Variants in CNTN1 observed in about 807,000 individuals in gnomAD.
The protein encoded by CNTN1 is contactin-1.
Under a neutral mutation model 126.4 loss-of-function variants are expected in CNTN1, and 38 were observed. The ratio of observed to expected loss-of-function variants is 0.30; its 90% CI spans 0.23 to 0.39. The LOEUF is 0.39. Ranked by LOEUF, CNTN1 falls within the 10% of genes least tolerant of loss-of-function variation. CNTN1 has a pLI of 1.00. For missense variants in CNTN1, 1,009 were observed against 1,248.4 expected (o/e 0.81, Z 2.89); for synonymous variants, 413 against 422.6 (o/e 0.98, Z 0.28).
At chr12:40,930,945 C>A (rs1357887424) in intron 7 of CNTN1, among the ~76,000 whole-genome samples, 1 of 151,926 alleles carries the variant, frequency 6.6e-6, no homozygotes, top group African/African-American at 2.4e-5. Flanking sequence ...TGTAAAAATT[C>A]TCTTGATTTT....
intron 23 of CNTN1, among the ~76,000 whole-genome samples, chr12:41,066,246 G>A (rs1046164307): frequency 6.6e-6 from 1 of 152,176 alleles, no homozygotes; most frequent in Non-Finnish European, 1.5e-5. Context: ...CTGAGGAAAA[G>A]TAATCATAGG....
At chr12:40,808,270 T>C (rs60729624) in intron 1 of CNTN1, among the ~76,000 whole-genome samples, 3,467 of 152,266 alleles carry the variant, frequency 0.023, 128 homozygotes, top group African/African-American at 0.078. Context: ...TCTCAAGTCA[T>C]TGAATTGTGA....
intron 1 of CNTN1, among the ~76,000 whole-genome samples, chr12:40,815,287 G>A (rs1234678159): frequency 1.3e-5 from 2 of 152,158 alleles, no homozygotes; most frequent in African/African-American, 4.8e-5. Context: ...CCATGAGGAT[G>A]GAATATTTTT....
chr12:40,949,134 C>T (rs1946551025), intron 14 of CNTN1, among the ~76,000 whole-genome samples: 1 of 149,156 alleles, frequency 6.7e-6, no homozygotes, highest in African/African-American at 2.5e-5. Context: ...TGATCTTGTA[C>T]AGAAATTTTG....
intron 1 of CNTN1, among the ~76,000 whole-genome samples, chr12:40,851,006 T>A (rs561182784): frequency 2.0e-5 from 3 of 152,322 alleles, no homozygotes; most frequent in Admixed American, 1.3e-4. Flanking sequence ...ATTACTTTCA[T>A]CTAGATAACT....
At chr12:40,873,541 A>G (rs1225227120) in intron 1 of CNTN1, among the ~76,000 whole-genome samples, 1 of 152,148 alleles carries the variant, frequency 6.6e-6, no homozygotes, top group Non-Finnish European at 1.5e-5. Flanking sequence ...AAATTTGAGC[A>G]ATTTTTCTTT....
intron 1 of CNTN1, among the ~76,000 whole-genome samples, chr12:40,713,635 G>C (rs575066891): frequency 6.6e-6 from 1 of 152,066 alleles, no homozygotes; most frequent in Middle Eastern, 3.4e-3. Flanking sequence ...AAGTGCTAGA[G>C]AAGTTGGCTG....
chr12:40,851,821 C>A (rs573712903), intron 1 of CNTN1, among the ~76,000 whole-genome samples: 8 of 151,996 alleles, frequency 5.3e-5, no homozygotes, highest in Non-Finnish European at 1.2e-4. Flanking sequence ...AAAGGTGATT[C>A]GCAGTGGGGA....
intron 23 of CNTN1, among the ~76,000 whole-genome samples, chr12:41,045,733 A>G (rs1167536759): frequency 1.3e-5 from 2 of 152,134 alleles, no homozygotes; most frequent in Non-Finnish European, 2.9e-5. Context: ...AGCAGTGCAA[A>G]GGACATTCCA....
chr12:40,964,289 A>C (rs1268681087), intron 15 of CNTN1, among the ~76,000 whole-genome samples: 3 of 152,194 alleles, frequency 2.0e-5, no homozygotes, highest in Non-Finnish European at 4.4e-5. Flanking sequence ...AAGAAAAAGA[A>C]AACGACTTTG....
At chr12:40,791,444 C>T (rs1453242470) in intron 1 of CNTN1, among the ~76,000 whole-genome samples, 1 of 152,112 alleles carries the variant, frequency 6.6e-6, no homozygotes, top group African/African-American at 2.4e-5. Flanking sequence ...ATTTTCTCTA[C>T]TAGACCAGTT....
chr12:41,013,814 T>C (rs76499137), intron 17 of CNTN1, among the ~76,000 whole-genome samples: 1,543 of 152,292 alleles, frequency 0.01, 24 homozygotes, highest in African/African-American at 0.034. Flanking sequence ...TCTAGATATT[T>C]GGGGAAACAT....
chr12:41,027,838 A>T lies in CNTN1; in HGVS notation c.2711-19A>T. On this transcript the variant is annotated intron_variant, in intron 21 of 23. Transcript: ENST00000551295. ...ATTGGATATAGTGACCACTGATTGC[A>T]TATTACTACTTTTCACAGCTCCTAG... 6.8e-7 allele frequency: 1 copy of T among 1,460,102 alleles called. No individual in the cohort carries two copies. Among genetic ancestry groups the T allele is most frequent in the Non-Finnish European group, 9.6e-7 (1 of 1,039,924 alleles). The allele number at this position is 1,460,102 out of a possible 1,614,324, so 90.4% of individuals were successfully genotyped here.
chr12:40,882,309 T>A (rs1943896039), intron 1 of CNTN1, among the ~76,000 whole-genome samples: 1 of 151,826 alleles, frequency 6.6e-6, no homozygotes, highest in South Asian at 2.1e-4. Flanking sequence ...TATTTAGACA[T>A]GGGTTAAATA....
chr12:41,054,578 CAG>C (rs1417560339), intron 23 of CNTN1, among the ~76,000 whole-genome samples: 3 of 152,004 alleles, frequency 2.0e-5, no homozygotes, highest in Non-Finnish European at 2.9e-5. Flanking sequence ...GCACTTATCA[CAG>C]AACATAGCAG....
At chr12:40,951,715 T>TGAAAAAAAA (rs1946691778) in intron 14 of CNTN1, among the ~76,000 whole-genome samples, 1 of 110,024 alleles carries the variant, frequency 9.1e-6, no homozygotes, top group African/African-American at 3.3e-5. Flanking sequence ...TCTCAAAATT[T>TGAAAAAAAA]AAAAAAAAAA....
intron 14 of CNTN1, among the ~76,000 whole-genome samples, chr12:40,958,911 A>G (rs1192179263): frequency 6.6e-6 from 1 of 152,084 alleles, no homozygotes; most frequent in African/African-American, 2.4e-5. Flanking sequence ...GAAAGCTAAA[A>G]AATACCTTAT....
chr12:40,709,585 C>T (rs767353619), intron 1 of CNTN1, among the ~76,000 whole-genome samples: 1 of 152,192 alleles, frequency 6.6e-6, no homozygotes, highest in Non-Finnish European at 1.5e-5. Context: ...CAGTATAAGG[C>T]TGTTTCGTTT....
intron 1 of CNTN1, among the ~76,000 whole-genome samples, chr12:40,725,093 G>T (rs1418483446): frequency 6.6e-6 from 1 of 152,078 alleles, no homozygotes; most frequent in African/African-American, 2.4e-5. Context: ...CTTTTCTATG[G>T]GATTTACCTT....
Sources: gnomAD v4.1 joint callset for allele counts (sites outside exome capture counted in the v4.1 genomes callset) on GRCh38, gnomAD v4.1.1 for gene constraint, MANE v1.5 for transcripts, NCBI Gene and HGNC (gene_info 2026-07-23, HGNC 2026-07-21) for gene names.